The following XIRP2 variants were observed in gnomAD, a reference collection of about 807,000 sequenced individuals.
XIRP2 encodes the protein xin actin binding repeat containing 2, also known as xin actin-binding repeat-containing protein 2.
Under a neutral mutation model 277.0 loss-of-function variants are expected in XIRP2, and 236 were observed. The ratio of observed to expected loss-of-function variants is 0.85; its 90% CI spans 0.77 to 0.95. The LOEUF is 0.95. Among genes scored for constraint, XIRP2 ranks in the 40% least tolerant of loss-of-function variants. The pLI, the probability that XIRP2 is intolerant of heterozygous loss-of-function variation, is 0.00. For synonymous variants in XIRP2, 1,490 were observed against 1,416.5 expected (o/e 1.05, Z -1.17); for missense variants, 4,640 against 4,157.5 (o/e 1.12, Z -3.19).
intron 2 of XIRP2, among the ~76,000 whole-genome samples, chr2:166,967,974 A>G (rs1686473568): frequency 6.6e-6 from 1 of 151,982 alleles, no homozygotes; most frequent in South Asian, 2.1e-4. Flanking sequence ...TTATGTTTTA[A>G]GAAAATCTGA....
At chr2:166,920,581 T>C (rs576413848) in intron 2 of XIRP2, among the ~76,000 whole-genome samples, 12 of 152,282 alleles carry the variant, frequency 7.9e-5, no homozygotes, top group African/African-American at 2.9e-4. Flanking sequence ...TGCCATTTCA[T>C]AGTTTGTCAG....
chr2:167,126,559 G>A (rs959882953), intron 2 of XIRP2, among the ~76,000 whole-genome samples: 1 of 152,152 alleles, frequency 6.6e-6, no homozygotes, highest in Non-Finnish European at 1.5e-5. Flanking sequence ...AAAAGCCTAA[G>A]GCTAAGGATG....
intron 2 of XIRP2, among the ~76,000 whole-genome samples, chr2:166,986,530 G>C: frequency 6.6e-6 from 1 of 152,220 alleles, no homozygotes; most frequent in East Asian, 1.9e-4. Context: ...ACACATCCTA[G>C]TATAAAGGGC....
intron 2 of XIRP2, among the ~76,000 whole-genome samples, chr2:167,051,301 C>T (rs945418490): frequency 8.5e-5 from 13 of 152,066 alleles, no homozygotes; most frequent in Non-Finnish European, 1.5e-4. Flanking sequence ...TACAGTGTGT[C>T]ACCTCTAACT....
At chr2:167,083,651 A>G (rs372734579) in intron 2 of XIRP2, among the ~76,000 whole-genome samples, 10 of 151,804 alleles carry the variant, frequency 6.6e-5, no homozygotes, top group South Asian at 4.2e-4. Context: ...CCTTGAAGAG[A>G]TCCTTCACAT....
chr2:166,941,112 C>T (rs1025943825), intron 2 of XIRP2, among the ~76,000 whole-genome samples: 1 of 152,180 alleles, frequency 6.6e-6, no homozygotes, highest in African/African-American at 2.4e-5. Context: ...GCTTCCCAGC[C>T]ACTTTGTTTA....
In XIRP2 at chr2:166,918,237, G is replaced by T. The variant is rs546773390; in HGVS notation, c.408+14347G>T. On this transcript the variant is annotated intron_variant, in intron 2 of 10. Coordinates refer to ENST00000409195, the MANE Select transcript of XIRP2 (RefSeq NM_152381.6). ...GAAAATATTCCTGTGTTAACTTCTTGCAGGATGAGCTTTGGTTTGCTGGTG... is the reference window on the plus strand; with the variant it reads ...GAAAATATTCCTGTGTTAACTTCTTTCAGGATGAGCTTTGGTTTGCTGGTG... Among the ~76,000 whole-genome samples the T allele has an allele frequency of 3.9e-5, 6 of 152,208 alleles. No individual in the cohort carries two copies. The South Asian group carries it at 1.2e-3, about 32-fold the overall frequency.
chr2:167,206,474 T>C (rs1693854787), intron 3 of XIRP2, among the ~76,000 whole-genome samples: 1 of 152,234 alleles, frequency 6.6e-6, no homozygotes, highest in South Asian at 2.1e-4. Flanking sequence ...TATCTTTAGT[T>C]CTTTTCTCGT....
intron 3 of XIRP2, among the ~76,000 whole-genome samples, chr2:167,172,964 C>A (rs565840343): frequency 1.3e-5 from 2 of 152,056 alleles, no homozygotes; most frequent in African/African-American, 4.8e-5. Flanking sequence ...TAAAGACAGG[C>A]GTAAGAAATT....
intron 2 of XIRP2, among the ~76,000 whole-genome samples, chr2:167,098,120 G>A (rs189553099): frequency 4.4e-4 from 67 of 152,210 alleles, no homozygotes; most frequent in African/African-American, 1.4e-3. Flanking sequence ...GGAGGTTCTC[G>A]TGGATAATAT....
At position 166,909,326 on chromosome 2, in the gene XIRP2, C is replaced by G. The variant is rs188772589; in HGVS notation, c.408+5436C>G. On this transcript the variant is annotated intron_variant, in intron 2 of 10. Coordinates refer to ENST00000409195, the MANE Select transcript of XIRP2 (RefSeq NM_152381.6). ...ATTTGTAGTTCTCCTTGAAGAGGTC[C>G]TTCACATCCCTTGTAAGTTGGATTC... Among the ~76,000 whole-genome samples the G allele has an allele frequency of 1.3e-5, 2 of 152,200 alleles. 1 individual carries two copies. Among genetic ancestry groups the G allele is most frequent in the Admixed American group, 1.3e-4 (2 of 15,280 alleles).
In XIRP2 at chr2:167,041,270, C is replaced by G. The variant is rs75250107; in HGVS notation, c.409-94639C>G. On this transcript the variant is annotated intron_variant, in intron 2 of 10. Transcript: ENST00000409195. ...CTGGAAATTGTAAAACCTAGAGTATCTTCTTACCTCCAAGTGGCCACACTA... is the reference window on the plus strand; with the variant it reads ...CTGGAAATTGTAAAACCTAGAGTATGTTCTTACCTCCAAGTGGCCACACTA... Among the ~76,000 whole-genome samples, 288 of 152,246 alleles carry G rather than the reference C, an allele frequency of 1.9e-3. 11 individuals are homozygous for G. The East Asian group carries it at 0.04, about 21-fold the overall frequency.
chr2:167,240,254 A>G (rs1695020428), intron 6 of XIRP2, among the ~76,000 whole-genome samples: 1 of 152,048 alleles, frequency 6.6e-6, no homozygotes, highest in South Asian at 2.1e-4. Flanking sequence ...TCTACTAAAA[A>G]TACAAAAAAA....
intron 2 of XIRP2, among the ~76,000 whole-genome samples, chr2:167,054,772 A>G (rs912764327): frequency 1.4e-4 from 22 of 152,000 alleles, no homozygotes; most frequent in African/African-American, 4.1e-4. Flanking sequence ...CTTAATTGGG[A>G]AGACAGGCAC....
chr2:167,166,748 T>C (rs1202478323), intron 3 of XIRP2, among the ~76,000 whole-genome samples: 2 of 152,124 alleles, frequency 1.3e-5, no homozygotes, highest in Non-Finnish European at 1.5e-5. Flanking sequence ...CACTAAGCCA[T>C]TCATGAGGGA....
At chr2:167,113,923 C>A (rs1690827094) in intron 2 of XIRP2, among the ~76,000 whole-genome samples, 1 of 152,086 alleles carries the variant, frequency 6.6e-6, no homozygotes, top group South Asian at 2.1e-4. Flanking sequence ...GGTATGAATT[C>A]TTGATTGGAA....
chr2:167,243,698 C>G lies in XIRP2; in HGVS notation c.2306C>G (p.Thr769Arg). 1.2e-6 allele frequency: 2 copies of G among 1,614,010 alleles called. No homozygotes were observed. Among genetic ancestry groups the G allele is most frequent in the Non-Finnish European group, 8.5e-7 (1 of 1,179,928 alleles). Residue 769 changes from threonine to arginine, a missense_variant, in exon 9 of 11, where the codon ACA becomes AGA. By Grantham distance (71) the Thr-to-Arg change is moderately conservative (BLOSUM62 -1). Coordinates refer to ENST00000409195, the MANE Select transcript of XIRP2 (RefSeq NM_152381.6). ...GACGTTGAAAAGGGAGATGTAAGAA[C>G]AGCACGGTGGATGTTTGAAACACAG... ...REDVEKGDVR[T>R]ARWMFETQPL...
At chr2:167,135,850 A>C in intron 2 of XIRP2, 59 bp from the exon 3 acceptor site, 2 of 1,422,494 alleles carry the variant, frequency 1.4e-6, no homozygotes, top group Non-Finnish European at 9.3e-7. Context: ...CCCCCTAAAA[A>C]ACACATCTGT....
rs183353184 is a variant in XIRP2 at position 167,179,711 on chromosome 2, A to C, written c.563-31024A>C. Among the ~76,000 whole-genome samples, 9 of 150,302 alleles carry C rather than the reference A, an allele frequency of 6.0e-5. No homozygotes were observed. The East Asian group carries it at 1.8e-3, about 29-fold the overall frequency. On this transcript the variant is annotated intron_variant, in intron 3 of 10. Transcript: ENST00000409195. ...GCTGGAGTGCAGTGGCATGATCACTACTCACTGCAGCCTTGACTTCAGAGC... is the reference window on the plus strand; with the variant it reads ...GCTGGAGTGCAGTGGCATGATCACTCCTCACTGCAGCCTTGACTTCAGAGC...
Sources: allele counts gnomAD v4.1 joint callset (sites outside exome capture counted in the v4.1 genomes callset), GRCh38; gene constraint gnomAD v4.1.1; transcripts MANE v1.5; gene names NCBI Gene and HGNC (gene_info 2026-07-23, HGNC 2026-07-21).